CAST: variants seen among roughly 807,000 people sequenced by gnomAD.
The protein encoded by CAST is MIR583 host.
In CAST, 76 loss-of-function variants were observed where a neutral mutation model predicts 119.6. The ratio of observed to expected loss-of-function variants is 0.64; its 90% CI spans 0.53 to 0.77. CAST has a LOEUF of 0.77. Among genes scored for constraint, CAST ranks in the 30% least tolerant of loss-of-function variants. CAST has a pLI of 0.00. For missense variants in CAST, 953 were observed against 946.5 expected (o/e 1.01, Z -0.09); for synonymous variants, 319 against 331.6 (o/e 0.96, Z 0.41).
the CAST span, among the ~76,000 whole-genome samples, chr5:96,218,761 C>A: frequency 6.6e-6 from 1 of 152,200 alleles, no homozygotes; most frequent in Admixed American, 6.5e-5. Flanking sequence ...GATAGAAAGA[C>A]AAGTGAAAAG....
the CAST span, among the ~76,000 whole-genome samples, chr5:96,291,075 T>G: frequency 6.6e-6 from 1 of 152,174 alleles, no homozygotes; most frequent in Non-Finnish European, 1.5e-5. Context: ...AAGGTGAACA[T>G]ACTAGCCATG....
At chr5:96,564,729 G>C (rs1223124015) in intron 1 of CAST, among the ~76,000 whole-genome samples, 1 of 152,182 alleles carries the variant, frequency 6.6e-6, no homozygotes, top group Non-Finnish European at 1.5e-5. Flanking sequence ...GACCAGCCTG[G>C]GCAACGTGGT....
the CAST span, among the ~76,000 whole-genome samples, chr5:96,297,267 G>A: frequency 6.6e-6 from 1 of 152,144 alleles, no homozygotes. Context: ...GTTTTTGAAA[G>A]GGAAATTCAA....
At chr5:96,198,713 T>A in the CAST span, among the ~76,000 whole-genome samples, 1 of 152,188 alleles carries the variant, frequency 6.6e-6, no homozygotes, top group Non-Finnish European at 1.5e-5. Context: ...AGCCCAATAA[T>A]GATCCCTGAG....
intron 16 of CAST, chr5:96,743,889 T>C (rs973595658): frequency 5.1e-6 from 3 of 593,322 alleles, no homozygotes; most frequent in Non-Finnish European, 8.7e-6. Flanking sequence ...CCAAGCTGAG[T>C]TGTGGCTTTA....
At chr5:96,193,094 C>T in the CAST span, among the ~76,000 whole-genome samples, 1 of 152,024 alleles carries the variant, frequency 6.6e-6, no homozygotes, top group South Asian at 2.1e-4. Context: ...AATTTAAGAG[C>T]TTATGGAAAA....
chr5:96,345,804 A>T, the CAST span, among the ~76,000 whole-genome samples: 27 of 152,298 alleles, frequency 1.8e-4, no homozygotes, highest in Admixed American at 6.5e-4. Context: ...GTTCCTTGTC[A>T]TATCTCCATA....
At chr5:96,311,312 T>A in the CAST span, among the ~76,000 whole-genome samples, 2 of 152,138 alleles carry the variant, frequency 1.3e-5, no homozygotes, top group Admixed American at 1.3e-4. Context: ...ATCTTAAATT[T>A]GCTAAGACTT....
chr5:96,280,668 G>C, the CAST span, among the ~76,000 whole-genome samples: 1 of 152,142 alleles, frequency 6.6e-6, no homozygotes, highest in Non-Finnish European at 1.5e-5. Context: ...TATCAAATGA[G>C]ATAATGTATG....
the CAST span, among the ~76,000 whole-genome samples, chr5:96,214,176 G>T: frequency 4.2e-3 from 635 of 152,246 alleles, 1 homozygote; most frequent in Middle Eastern, 0.014. Flanking sequence ...CATTTAAGGA[G>T]CAGAATGGAG....
At chr5:96,007,500 A>G in the CAST span, among the ~76,000 whole-genome samples, 3 of 152,178 alleles carry the variant, frequency 2.0e-5, no homozygotes, top group Non-Finnish European at 4.4e-5. Flanking sequence ...TTGAAACTCT[A>G]ACCTCCAATG....
chr5:96,582,178 C>T (rs2150189480), intron 1 of CAST, among the ~76,000 whole-genome samples: 3 of 151,156 alleles, frequency 2.0e-5, no homozygotes, highest in Middle Eastern at 6.8e-3. Context: ...GCAGAGTGAC[C>T]TTCTTATGGT....
chr5:96,767,522 T>TAAATCATATTTCCATTAA, intron 28 of CAST, 40 bp downstream of exon 28: 1 of 1,532,660 alleles, frequency 6.5e-7, no homozygotes, highest in Non-Finnish European at 9.0e-7. Flanking sequence ...AATTTTGTTT[T>TAAATCATATTTCCATTAA]ATTCTAGCCA....
the CAST span, chr5:95,961,444 G>A: frequency 8.4e-7 from 1 of 1,189,482 alleles, no homozygotes; most frequent in Non-Finnish European, 1.1e-6. Context: ...GCCCTGCCCT[G>A]CCTGGCCGCT....
chr5:96,678,616 G>A (rs977622817), intron 2 of CAST, among the ~76,000 whole-genome samples: 2 of 151,820 alleles, frequency 1.3e-5, no homozygotes, highest in Admixed American at 1.3e-4. Flanking sequence ...ATGCTGAGGC[G>A]GGCAGATCAC....
the CAST span, among the ~76,000 whole-genome samples, chr5:96,460,766 T>C: frequency 6.6e-6 from 1 of 152,166 alleles, no homozygotes; most frequent in African/African-American, 2.4e-5. Context: ...AATTTTATAC[T>C]TGTTTGAGGT....
chr5:96,415,316 T>C, the CAST span, among the ~76,000 whole-genome samples: 1 of 152,124 alleles, frequency 6.6e-6, no homozygotes. Flanking sequence ...AGTGGCTCTG[T>C]TGTTGTACTC....
intron 3 of CAST, among the ~76,000 whole-genome samples, chr5:96,698,637 A>C (rs938708972): frequency 6.6e-6 from 1 of 152,226 alleles, no homozygotes; most frequent in African/African-American, 2.4e-5. Flanking sequence ...AAGGAATTAC[A>C]TACCCATGCA....
the CAST span, among the ~76,000 whole-genome samples, chr5:96,239,172 G>T: frequency 6.6e-6 from 1 of 151,744 alleles, no homozygotes; most frequent in African/African-American, 2.4e-5. Flanking sequence ...TAATGGTAAG[G>T]TTACATTTTT....
Sources: allele counts gnomAD v4.1 joint callset (sites outside exome capture counted in the v4.1 genomes callset), GRCh38; gene constraint gnomAD v4.1.1; transcripts MANE v1.5; gene names NCBI Gene and HGNC (gene_info 2026-07-23, HGNC 2026-07-21).